The following LRRC18 variants were observed in gnomAD, a reference collection of about 807,000 sequenced individuals.
LRRC18 encodes the protein leucine rich repeat containing 18.
Under a neutral mutation model 11.2 loss-of-function variants are expected in LRRC18, and 12 were observed. The ratio of observed to expected loss-of-function variants is 1.07; its 90% CI spans 0.69 to 1.74. LRRC18 has a LOEUF of 1.74. Among genes scored for constraint, LRRC18 ranks in the 40% most tolerant of loss-of-function variants. The probability of loss-of-function intolerance (pLI) is 0.00; values close to 1 mark genes in which losing one functional copy is unlikely to be tolerated. For synonymous variants in LRRC18, 155 were observed against 130.6 expected (o/e 1.19, Z -1.27); for missense variants, 374 against 330.5 (o/e 1.13, Z -1.02).
At chr10:48,929,369 C>T in the LRRC18 span, among the ~76,000 whole-genome samples, 2 of 152,188 alleles carry the variant, frequency 1.3e-5, no homozygotes, top group African/African-American at 4.8e-5. Flanking sequence ...TCTCAATAGC[C>T]TCTAGGCTCC....
the LRRC18 span, among the ~76,000 whole-genome samples, chr10:48,922,735 G>A: frequency 6.6e-6 from 1 of 152,166 alleles, no homozygotes; most frequent in Admixed American, 6.5e-5. Context: ...ACGGATACAT[G>A]CGACAACTTG....
At chr10:48,912,596 C>G (rs1484043319) in intron 1 of LRRC18, among the ~76,000 whole-genome samples, 2 of 152,236 alleles carry the variant, frequency 1.3e-5, no homozygotes, top group African/African-American at 4.8e-5. Context: ...AAGCTTTCCC[C>G]AAAGGGACAC....
At chr10:48,910,805 G>A (rs1054936308) in intron 1 of LRRC18, 1 of 511,482 alleles carries the variant, frequency 2.0e-6, no homozygotes, top group Non-Finnish European at 2.5e-6. Context: ...GCAAGTAAGG[G>A]TGTTGAGGAC....
chr10:48,923,212 G>A, the LRRC18 span, among the ~76,000 whole-genome samples: 1 of 152,002 alleles, frequency 6.6e-6, no homozygotes, highest in Non-Finnish European at 1.5e-5. Context: ...TAGCATCTGG[G>A]CACCACTGTG....
chr10:48,913,731 GCCCC>G lies in LRRC18; in HGVS notation c.421_424del (p.Gly141ProfsTer2). Reference sequence around the variant, plus strand: ...CCCTACCTCGTGGAGCTCCTTCAGGGCCCCCAGTGTGGTGGGCACGCTGTCCAGG... The same window carrying G: ...CCCTACCTCGTGGAGCTCCTTCAGGGCAGTGTGGTGGGCACGCTGTCCAGG... On this transcript the variant is annotated frameshift_variant, in exon 1 of 2. Coordinates refer to ENST00000374160, the Ensembl canonical transcript of LRRC18. LOFTEE classifies it high-confidence loss of function. 6.2e-7 allele frequency: 1 copy of G among 1,613,210 alleles called. No individual in the cohort carries two copies. Among genetic ancestry groups the G allele is most frequent in the Non-Finnish European group, 8.5e-7 (1 of 1,179,310 alleles).
chr10:48,937,658 G>A, the LRRC18 span, among the ~76,000 whole-genome samples: 1 of 152,162 alleles, frequency 6.6e-6, no homozygotes, highest in African/African-American at 2.4e-5. Flanking sequence ...GTTATTATTA[G>A]GTCTAGAACT....
At chr10:48,917,277 A>G (rs1838637298), upstream of LRRC18, among the ~76,000 whole-genome samples, 1 of 152,234 alleles carries the variant, frequency 6.6e-6, no homozygotes, top group African/African-American at 2.4e-5. Context: ...GCTGATACCT[A>G]TACTTACACC....
chr10:48,938,106 G>A, the LRRC18 span, among the ~76,000 whole-genome samples: 1 of 152,190 alleles, frequency 6.6e-6, no homozygotes, highest in Non-Finnish European at 1.5e-5. Context: ...TGTGGCTTGC[G>A]TATGCCTAGT....
At chr10:48,925,684 C>G in the LRRC18 span, among the ~76,000 whole-genome samples, 1 of 152,144 alleles carries the variant, frequency 6.6e-6, no homozygotes, top group Non-Finnish European at 1.5e-5. Context: ...GTAGCTCCAC[C>G]ACACTCTGAG....
chr10:48,917,781 A>G (rs1838685992), upstream of LRRC18, among the ~76,000 whole-genome samples: 1 of 152,238 alleles, frequency 6.6e-6, no homozygotes, highest in South Asian at 2.1e-4. Flanking sequence ...AGGAACTCCA[A>G]ACTTTGGGGA....
At chr10:48,920,351 C>T in the LRRC18 span, among the ~76,000 whole-genome samples, 1 of 147,660 alleles carries the variant, frequency 6.8e-6, no homozygotes, top group Non-Finnish European at 1.5e-5. Flanking sequence ...GAGCATCACA[C>T]ACCGGGGCCT....
In LRRC18 at chr10:48,913,750, C is replaced by T. The variant is rs138127999; in HGVS notation, c.406G>A (p.Val136Met). 387 of 1,613,734 alleles carry T rather than the reference C, an allele frequency of 2.4e-4. 3 individuals carry two copies. The highest frequency in any genetic ancestry group is 1.6e-3 in the Admixed American group (94 of 60,016). ...TTCAGGGCCCCCAGTGTGGTGGGCA[C>T]GCTGTCCAGGTGGTTCAAGCCTAGG... The change falls in exon 1 of 2, where the codon GTG (valine) becomes ATG (methionine). Residue 136 changes from valine to methionine, a missense_variant. Physicochemically the swap from Val to Met is conservative, Grantham distance 21. Transcript: ENST00000374160.
Position 48,910,265 on chromosome 10 carries a change from A to G in LRRC18, c.765-7T>C, listed in dbSNP as rs1254435032. 1 of 1,546,830 alleles carries G rather than the reference A, an allele frequency of 6.5e-7. No homozygotes were observed. Among genetic ancestry groups the G allele is most frequent in the Non-Finnish European group, 8.8e-7 (1 of 1,138,730 alleles). ...GGAAGATGTCAAGCGTATTCTGGGG[A>G]TGGAGACACAAGAAGGTGAGGCAAT... On this transcript the variant is annotated splice_region_variant and splice_polypyrimidine_tract_variant and intron_variant, in intron 1 of 1. Transcript: ENST00000374160.
rs776055511 is a variant in LRRC18 at position 48,914,091 on chromosome 10, A to T, written c.65T>A (p.Ile22Asn). 12 of 1,614,080 alleles carry T rather than the reference A, an allele frequency of 7.4e-6. No homozygotes were observed. The highest frequency in any genetic ancestry group is 3.3e-5 in the Admixed American group (2 of 60,008). The stretch of plus-strand genomic sequence containing the variant: ...CTTTTTCCCATCAAAAGTGATTTTG[A>T]TGCAATTCCTGGCCACCTTGAGGGT... The change falls in exon 1 of 2, where the codon ATC (isoleucine) becomes AAC (asparagine). Residue 22 changes from isoleucine to asparagine, a missense_variant. By Grantham distance (149) the Ile-to-Asn change is moderately radical. Transcript: ENST00000374160.
chr10:48,924,338 CA>C, the LRRC18 span, among the ~76,000 whole-genome samples: 1 of 152,198 alleles, frequency 6.6e-6, no homozygotes, highest in African/African-American at 2.4e-5. Context: ...GACCCAGTGC[CA>C]GAAGCCATGA....
chr10:48,936,843 A>C, the LRRC18 span, among the ~76,000 whole-genome samples: 1 of 151,346 alleles, frequency 6.6e-6, no homozygotes, highest in Non-Finnish European at 1.5e-5. Flanking sequence ...GTCTCAAAAA[A>C]AAAAAAAAGA....
the LRRC18 span, among the ~76,000 whole-genome samples, chr10:48,922,647 T>C: frequency 6.6e-6 from 1 of 152,172 alleles, no homozygotes; most frequent in Non-Finnish European, 1.5e-5. Context: ...GTTTCAGGTA[T>C]TCAATGGGGG....
exon 1 of LRRC18, chr10:48,913,402 C>G: frequency 6.2e-7 from 1 of 1,611,632 alleles, no homozygotes; most frequent in African/African-American, 1.3e-5. Flanking sequence ...CTCCAGTCTT[C>G]CCAGGAGTCC....
the LRRC18 span, among the ~76,000 whole-genome samples, chr10:48,938,805 G>A: frequency 5.3e-5 from 8 of 152,192 alleles, no homozygotes; most frequent in South Asian, 2.1e-4. Flanking sequence ...AACTACCCAC[G>A]ACGTCCTGAT....
Sources: allele counts gnomAD v4.1 joint callset (sites outside exome capture counted in the v4.1 genomes callset), GRCh38; gene constraint gnomAD v4.1.1; transcripts MANE v1.5; gene names NCBI Gene and HGNC (gene_info 2026-07-23, HGNC 2026-07-21).